Variants in TGM4 observed in about 807,000 individuals in gnomAD.
The protein encoded by TGM4 is transglutaminase 4.
Under a neutral mutation model 76.3 loss-of-function variants are expected in TGM4, and 61 were observed. The ratio of observed to expected loss-of-function variants is 0.80; its 90% CI spans 0.65 to 0.99. The LOEUF (loss-of-function observed/expected upper bound fraction) is 0.99, where lower values mean the gene tolerates loss of function less well. Among genes scored for constraint, TGM4 ranks in the 50% least tolerant of loss-of-function variants. The pLI is 0.00. For synonymous variants in TGM4, 337 were observed against 329.8 expected (o/e 1.02, Z -0.24); for missense variants, 794 against 843.2 (o/e 0.94, Z 0.72).
At chr3:44,905,338 C>A (rs1428139180) in intron 9 of TGM4, among the ~76,000 whole-genome samples, 2 of 151,732 alleles carry the variant, frequency 1.3e-5, no homozygotes, top group Admixed American at 1.3e-4. Flanking sequence ...AAGGAAACTT[C>A]GTGTGCCACC....
intron 1 of TGM4, among the ~76,000 whole-genome samples, chr3:44,880,991 G>C (rs1005156993): frequency 1.3e-5 from 2 of 152,138 alleles, no homozygotes; most frequent in African/African-American, 2.4e-5. Flanking sequence ...GCTGAGGCAG[G>C]AGGATCGCTT....
Position 44,910,234 on chromosome 3 carries a change from C to G in TGM4, c.1472C>G (p.Thr491Ser). 3 of 1,614,204 alleles carry G rather than the reference C, an allele frequency of 1.9e-6. No individual in the cohort carries two copies. The highest frequency in any genetic ancestry group is 2.5e-6 in the Non-Finnish European group (3 of 1,180,040). ...DVLLGNSVNF[T>S]VILKRKTAAL... ...CTGCTGGGAAACTCTGTTAATTTCA[C>G]CGTGATTCTTAAAAGGAAGACCGCT... Residue 491 changes from threonine (T) to serine (S), a missense_variant, in exon 11 of 14, where the codon ACC (threonine) becomes AGC (serine). By Grantham distance (58) the Thr-to-Ser change is moderately conservative. Transcript: ENST00000296125.
intron 1 of TGM4, among the ~76,000 whole-genome samples, chr3:44,878,546 G>C (rs1336599835): frequency 6.6e-6 from 1 of 151,110 alleles, no homozygotes; most frequent in Non-Finnish European, 1.5e-5. Context: ...ACAGTGACGT[G>C]ATCTCGGTTC....
intron 1 of TGM4, among the ~76,000 whole-genome samples, chr3:44,884,493 T>G (rs912863663): frequency 1.3e-5 from 2 of 152,168 alleles, no homozygotes; most frequent in African/African-American, 4.8e-5. Flanking sequence ...ATCCCCTGTT[T>G]TTTTTGGGGG....
At position 44,913,787 on chromosome 3, in the gene TGM4, T is replaced by C. The variant is rs752836062; in HGVS notation, c.*62T>C. 7.4e-5 allele frequency: 116 copies of C among 1,565,974 alleles called. No homozygotes were observed. Among genetic ancestry groups the C allele is most frequent in the Non-Finnish European group, 9.8e-5 (114 of 1,159,400 alleles). ...AGCATTTCCTACCTTGTGCTTAGCT[T>C]TCAGATTATGGATGATTAAATTTGA... is the stretch of plus-strand genomic sequence containing the variant. On this transcript the variant is annotated 3_prime_UTR_variant, in exon 14 of 14. Coordinates refer to ENST00000296125, the MANE Select transcript of TGM4 (RefSeq NM_003241.4).
At chr3:44,883,888 A>G (rs1699564335) in intron 1 of TGM4, among the ~76,000 whole-genome samples, 1 of 152,124 alleles carries the variant, frequency 6.6e-6, no homozygotes. Context: ...GGCCTCCTTG[A>G]TCTCTGCAGA....
chr3:44,889,803 C>G (rs1244488755), intron 3 of TGM4, among the ~76,000 whole-genome samples: 1 of 151,480 alleles, frequency 6.6e-6, no homozygotes, highest in African/African-American at 2.4e-5. Context: ...TTTTTTTTTG[C>G]TCCAAAAGAC....
intron 6 of TGM4, among the ~76,000 whole-genome samples, chr3:44,897,798 A>G (rs1030839141): frequency 6.6e-5 from 10 of 152,244 alleles, no homozygotes; most frequent in Non-Finnish European, 1.5e-4. Context: ...ACGTATTTTT[A>G]TTTTTAAAAA....
chr3:44,904,738 G>A (rs1326504913), intron 9 of TGM4, among the ~76,000 whole-genome samples: 1 of 151,850 alleles, frequency 6.6e-6, no homozygotes, highest in African/African-American at 2.4e-5. Flanking sequence ...CTGGAGTGCA[G>A]TGGTGTAATC....
At chr3:44,908,124 A>G (rs942735246) in intron 10 of TGM4, among the ~76,000 whole-genome samples, 6 of 152,294 alleles carry the variant, frequency 3.9e-5, no homozygotes, top group Admixed American at 2.0e-4. Flanking sequence ...AACCTTGTAC[A>G]AGGTAGGCCT....
Position 44,901,714 on chromosome 3 carries a change from A to G in TGM4, c.832+16A>G, listed in dbSNP as rs1699856146. 1 of 1,612,808 alleles carries G rather than the reference A, an allele frequency of 6.2e-7. No homozygotes were observed. The stretch of plus-strand genomic sequence containing the variant: ...CTGACTACAGGTAAGTGGCAGATCC[A>G]GGGGCTGAGGGGAGAGGTCCCAAGG... On this transcript the variant is annotated intron_variant, in intron 7 of 13. Transcript: ENST00000296125.
chr3:44,889,323 G>A (rs1434283244), intron 3 of TGM4, among the ~76,000 whole-genome samples: 1 of 151,834 alleles, frequency 6.6e-6, no homozygotes, highest in Non-Finnish European at 1.5e-5. Context: ...TTCTGCCATC[G>A]CCAGCACCAG....
At chr3:44,904,921 C>T (rs2125758370) in intron 9 of TGM4, among the ~76,000 whole-genome samples, 1 of 152,124 alleles carries the variant, frequency 6.6e-6, no homozygotes, top group African/African-American at 2.4e-5. Context: ...ACCTCACGTG[C>T]TCCACCTCCC....
In TGM4 at chr3:44,914,835, G is replaced by C. The variant is rs1346199364; in HGVS notation, c.*1110G>C. The C allele has an allele frequency of 6.6e-6, 1 of 152,112 alleles. No homozygotes were observed. 9.4% of individuals were successfully genotyped at this position (152,112 alleles called of 1,614,324 possible). A position where few individuals can be genotyped will look rare whatever the true frequency, so the allele number is the denominator to read the frequency against. On this transcript the variant is annotated 3_prime_UTR_variant, in exon 14 of 14. Coordinates refer to ENST00000296125, the MANE Select transcript of TGM4 (RefSeq NM_003241.4). ...ACGTAGCTTGAATGAGGGTTATTTT[G>C]TGTCTAATTCACAGGAGAGTCATGG... is the stretch of plus-strand genomic sequence containing the variant.
chr3:44,895,147 T>C (rs536385136), intron 5 of TGM4, among the ~76,000 whole-genome samples: 1 of 151,786 alleles, frequency 6.6e-6, no homozygotes, highest in East Asian at 1.9e-4. Flanking sequence ...TACAAAACAT[T>C]AGCCAGGCGT....
intron 9 of TGM4, among the ~76,000 whole-genome samples, chr3:44,905,145 T>C (rs1575725669): frequency 6.6e-6 from 1 of 152,292 alleles, no homozygotes; most frequent in African/African-American, 2.4e-5. Flanking sequence ...CCACCATGCC[T>C]GACTAATTTT....
chr3:44,910,313 CAAG>C lies in TGM4; in HGVS notation c.1556_1558del (p.Lys519del). The C allele has an allele frequency of 3.1e-6, 5 of 1,614,172 alleles. No individual in the cohort carries two copies. The highest frequency in any genetic ancestry group is 4.2e-6 in the Non-Finnish European group (5 of 1,180,028). ...CCTTTGAACTACAGTTGTACACTGGCAAGAAGATGGCAAAACTGTGTGACCTCA... is the reference window on the plus strand; with the variant it reads ...CCTTTGAACTACAGTTGTACACTGGCAAGATGGCAAAACTGTGTGACCTCA... On this transcript the variant is annotated inframe_deletion, in exon 11 of 14. Transcript: ENST00000296125.
At position 44,914,038 on chromosome 3, in the gene TGM4, G is replaced by C. The variant is rs1007; in HGVS notation, c.*313G>C. 1 of 267,300 alleles carries C rather than the reference G, an allele frequency of 3.7e-6. No homozygotes were observed. Among genetic ancestry groups the C allele is most frequent in the Non-Finnish European group, 7.1e-6 (1 of 140,982 alleles). The allele number at this position is 267,300 out of a possible 1,614,324, so 16.6% of individuals were successfully genotyped here. ...AATCCATAGATTTCGAAGCCACAGA[G>C]TCTCTCCCTGGAGCAGCAGACTATG... On this transcript the variant is annotated 3_prime_UTR_variant, in exon 14 of 14. Coordinates refer to ENST00000296125, the MANE Select transcript of TGM4 (RefSeq NM_003241.4).
rs145713945 is a variant in TGM4 at position 44,898,239 on chromosome 3, C to T, written c.657+1423C>T. Among the ~76,000 whole-genome samples, 1,194 of 147,128 alleles carry T rather than the reference C, an allele frequency of 8.1e-3. 19 individuals carry two copies. Among genetic ancestry groups the T allele is most frequent in the African/African-American group, 0.028 (1,112 of 39,600 alleles). The stretch of plus-strand genomic sequence containing the variant: ...GAGGTTGCAGTGAGCCAAGATCGCA[C>T]CACTGTACTCCAGCCTGGGTGACAG... On this transcript the variant is annotated intron_variant, in intron 6 of 13. Coordinates refer to ENST00000296125, the MANE Select transcript of TGM4 (RefSeq NM_003241.4).
Sources: gnomAD v4.1 joint callset for allele counts (sites outside exome capture counted in the v4.1 genomes callset) on GRCh38, gnomAD v4.1.1 for gene constraint, MANE v1.5 for transcripts, NCBI Gene and HGNC (gene_info 2026-07-23, HGNC 2026-07-21) for gene names.